Variants in DCDC2 observed in about 807,000 individuals in gnomAD.
The protein encoded by DCDC2 is doublecortin domain containing 2.
DCDC2 carries 40 observed loss-of-function variants against 50.2 expected under a neutral mutation model. That is an observed-to-expected ratio of 0.80 (90% CI 0.62 to 1.04). The LOEUF (loss-of-function observed/expected upper bound fraction) is 1.04. Ranked by LOEUF, DCDC2 falls within the 50% of genes least tolerant of loss-of-function variation. The probability of loss-of-function intolerance (pLI) is 0.00; values close to 1 mark genes in which losing one functional copy is unlikely to be tolerated. For missense variants in DCDC2, 570 were observed against 581.9 expected, an observed-to-expected ratio of 0.98 and a Z score of 0.21; for synonymous variants, 234 against 210.6, an observed-to-expected ratio of 1.11 and a Z score of -0.96.
intron 7 of DCDC2, among the ~76,000 whole-genome samples, chr6:24,264,831 G>A (rs1355171238): frequency 7.3e-5 from 11 of 149,666 alleles, no homozygotes; most frequent in Non-Finnish European, 3.0e-5. Context: ...TGGCCGAATG[G>A]ATTAAAAAAA....
intron 7 of DCDC2, among the ~76,000 whole-genome samples, chr6:24,227,321 G>C (rs1352837153): frequency 6.6e-6 from 1 of 152,196 alleles, no homozygotes; most frequent in African/African-American, 2.4e-5. Context: ...CAGGGAATTT[G>C]TACTCCCACT....
intron 7 of DCDC2, 143 bp downstream of exon 7, chr6:24,277,905 GC>G: frequency 1.7e-6 from 1 of 603,674 alleles, no homozygotes; most frequent in Non-Finnish European, 2.7e-6. Flanking sequence ...AAAAACAGCA[GC>G]ATCTCTCATA....
At chr6:24,255,573 A>T (rs2093908277) in intron 7 of DCDC2, among the ~76,000 whole-genome samples, 1 of 152,182 alleles carries the variant, frequency 6.6e-6, no homozygotes, top group Admixed American at 6.5e-5. Context: ...CAAATAAAGA[A>T]CTCTTACAAA....
intron 2 of DCDC2, among the ~76,000 whole-genome samples, chr6:24,322,750 C>CTT (rs1347368576): frequency 6.6e-6 from 1 of 152,158 alleles, no homozygotes; most frequent in Non-Finnish European, 1.5e-5. Flanking sequence ...GAAGCCCCCA[C>CTT]TTTGAGTTGT....
chr6:24,306,261 TC>T (rs200698844), intron 2 of DCDC2, among the ~76,000 whole-genome samples: 2,199 of 152,200 alleles, frequency 0.014, 18 homozygotes, highest in Middle Eastern at 0.044. Flanking sequence ...ATTCAAACTT[TC>T]ACTTTGTACT....
At chr6:24,224,589 G>A (rs1365272562) in intron 7 of DCDC2, among the ~76,000 whole-genome samples, 2 of 152,172 alleles carry the variant, frequency 1.3e-5, no homozygotes, top group African/African-American at 4.8e-5. Context: ...TCAAAACTGG[G>A]GTGGCAGAAG....
chr6:24,185,688 T>TACACACACAC lies in DCDC2; in HGVS notation c.1024-7066_1024-7057dup, dbSNP rs35379687. ...CGGGTTTTACACCCATCCATACACA[T>TACACACACAC]ACACACACACACACACACACACACA... is the stretch of plus-strand genomic sequence containing the variant. On this transcript the variant is annotated intron_variant, in intron 8 of 9. Coordinates refer to ENST00000378454, the MANE Select transcript of DCDC2 (RefSeq NM_016356.5). 8.3e-4 allele frequency among the ~76,000 whole-genome samples: 120 copies of TACACACACAC among 144,444 alleles called. 1 individual carries two copies. Among genetic ancestry groups the TACACACACAC allele is most frequent in the Non-Finnish European group, 1.4e-3 (89 of 65,828 alleles). 94.8% of individuals were successfully genotyped at this position (144,444 alleles called of 152,430 possible).
At position 24,178,329 on chromosome 6, in the gene DCDC2, C is replaced by A; in HGVS notation, c.1326+1G>T. 1 of 1,612,168 alleles carries A rather than the reference C, an allele frequency of 6.2e-7. No individual in the cohort carries two copies. The highest frequency in any genetic ancestry group is 1.3e-5 in the African/African-American group (1 of 74,970). On this transcript the variant is annotated splice_donor_variant, in intron 9 of 9. Transcript: ENST00000378454. LOFTEE classifies it high-confidence loss of function. ...TAAGCAAGCAAAAGCAATAGAAATA[C>A]CTCATCTTGTCCACTGCCAGCTCCT... is the stretch of plus-strand genomic sequence containing the variant.
chr6:24,288,739 C>A, intron 6 of DCDC2, 113 bp downstream of exon 6: 1 of 884,680 alleles, frequency 1.1e-6, no homozygotes, highest in South Asian at 1.5e-5. Context: ...ATTGGTTATA[C>A]ACCACGAAGC....
intron 4 of DCDC2, 52 bp downstream of exon 4, chr6:24,301,663 A>G: frequency 6.2e-7 from 1 of 1,600,768 alleles, no homozygotes. Flanking sequence ...CCTCCTGAGA[A>G]TATCTTCAAC....
the DCDC2 span, among the ~76,000 whole-genome samples, chr6:24,377,343 C>A: frequency 6.6e-6 from 1 of 152,044 alleles, no homozygotes; most frequent in Non-Finnish European, 1.5e-5. Context: ...TAATATTAGA[C>A]TTTTACTATG....
chr6:24,217,249 A>T (rs1178582407), intron 7 of DCDC2, among the ~76,000 whole-genome samples: 1 of 152,176 alleles, frequency 6.6e-6, no homozygotes, highest in Non-Finnish European at 1.5e-5. Flanking sequence ...TTTACTTCCA[A>T]ATTATATATA....
chr6:24,359,687 G>A (rs922080099), upstream of DCDC2, among the ~76,000 whole-genome samples: 5 of 148,714 alleles, frequency 3.4e-5, no homozygotes, highest in Non-Finnish European at 5.9e-5. Context: ...ACTTGAGCCC[G>A]GGAGTTTGAG....
chr6:24,315,277 C>T (rs1759640868), intron 2 of DCDC2, among the ~76,000 whole-genome samples: 2 of 151,754 alleles, frequency 1.3e-5, no homozygotes, highest in South Asian at 4.2e-4. Context: ...CTCCTAGAAC[C>T]AAGTCGTCCA....
chr6:24,381,562 T>A, the DCDC2 span, among the ~76,000 whole-genome samples: 1 of 152,352 alleles, frequency 6.6e-6, no homozygotes, highest in East Asian at 1.9e-4. Flanking sequence ...AAACTTTTCT[T>A]TGAGTAATTC....
At chr6:24,368,066 A>G in the DCDC2 span, among the ~76,000 whole-genome samples, 933 of 152,242 alleles carry the variant, frequency 6.1e-3, 14 homozygotes, top group African/African-American at 0.02. Flanking sequence ...CAAAGAGAGA[A>G]TTATTAAACT....
intron 2 of DCDC2, among the ~76,000 whole-genome samples, chr6:24,348,192 T>C (rs182916747): frequency 7.9e-4 from 121 of 152,244 alleles, no homozygotes; most frequent in Admixed American, 1.6e-3. Flanking sequence ...GGAGGGTTTG[T>C]AGGTTTGTAG....
At chr6:24,258,952 T>C (rs1317742494) in intron 7 of DCDC2, among the ~76,000 whole-genome samples, 4 of 152,202 alleles carry the variant, frequency 2.6e-5, no homozygotes, top group Non-Finnish European at 5.9e-5. Flanking sequence ...ACATCTTCAT[T>C]GTGCACTAAA....
intron 5 of DCDC2, among the ~76,000 whole-genome samples, chr6:24,289,977 T>C (rs1763706253): frequency 4.5e-5 from 2 of 44,232 alleles, no homozygotes; most frequent in South Asian, 6.9e-4. Flanking sequence ...TCTTCTTTTT[T>C]TTTTTTTTTT....
Sources: gnomAD v4.1 joint callset for allele counts (sites outside exome capture counted in the v4.1 genomes callset) on GRCh38, gnomAD v4.1.1 for gene constraint, MANE v1.5 for transcripts, NCBI Gene and HGNC (gene_info 2026-07-23, HGNC 2026-07-21) for gene names.